KATNAL2: variants seen among roughly 807,000 people sequenced by gnomAD.
The protein encoded by KATNAL2 is katanin catalytic subunit A1 like 2.
KATNAL2 carries 52 observed loss-of-function variants against 76.3 expected under a neutral mutation model. The observed-to-expected ratio is 0.68, with a 90% CI of 0.55 to 0.86. The LOEUF is 0.86. Among genes scored for constraint, KATNAL2 ranks in the 40% least tolerant of loss-of-function variants. The probability of loss-of-function intolerance (pLI) is 0.00; values close to 1 mark genes in which losing one functional copy is unlikely to be tolerated. For synonymous variants in KATNAL2, 243 were observed against 244.2 expected (o/e 1.00, Z 0.05); for missense variants, 660 against 668.9 (o/e 0.99, Z 0.15).
intron 8 of KATNAL2, among the ~76,000 whole-genome samples, chr18:47,062,428 A>G (rs2061663630): frequency 6.6e-6 from 1 of 152,170 alleles, no homozygotes; most frequent in Admixed American, 6.5e-5. Flanking sequence ...ATATGGAGAA[A>G]AGGGAACTCA....
intron 1 of KATNAL2, among the ~76,000 whole-genome samples, chr18:46,936,616 T>A (rs958961424): frequency 1.3e-5 from 2 of 151,832 alleles, no homozygotes; most frequent in African/African-American, 2.4e-5. Context: ...ACCATGAAAA[T>A]TTTAAAACTA....
intron 15 of KATNAL2, among the ~76,000 whole-genome samples, chr18:47,085,720 G>C (rs1363497363): frequency 5.3e-5 from 8 of 152,100 alleles, no homozygotes; most frequent in Admixed American, 5.2e-4. Context: ...ATTGATTTGA[G>C]TAATGACTCC....
At chr18:46,947,963 A>G (rs538334269) in intron 3 of KATNAL2, among the ~76,000 whole-genome samples, 1 of 152,290 alleles carries the variant, frequency 6.6e-6, no homozygotes, top group East Asian at 1.9e-4. Flanking sequence ...ACCCTTTAAT[A>G]GAGCAGATTC....
At chr18:46,929,412 G>A (rs1568979973) in intron 1 of KATNAL2, among the ~76,000 whole-genome samples, 1 of 151,364 alleles carries the variant, frequency 6.6e-6, no homozygotes, top group Non-Finnish European at 1.5e-5. Flanking sequence ...CCAGCAAATT[G>A]TTGTATTTTT....
At chr18:47,058,155 A>G (rs968571567) in intron 6 of KATNAL2, 80 bp from the exon 7 acceptor site, 35 of 942,818 alleles carry the variant, frequency 3.7e-5, no homozygotes, top group Non-Finnish European at 5.1e-5. Context: ...TAAATGTGCT[A>G]TTCTTAAGAA....
chr18:46,926,637 C>G (rs1472370388), intron 1 of KATNAL2, among the ~76,000 whole-genome samples: 2 of 152,066 alleles, frequency 1.3e-5, no homozygotes, highest in African/African-American at 2.4e-5. Flanking sequence ...TCCTGGGTAT[C>G]CTTGCTAACT....
intron 15 of KATNAL2, among the ~76,000 whole-genome samples, chr18:47,087,424 A>G (rs2062821865): frequency 6.6e-6 from 1 of 152,176 alleles, no homozygotes; most frequent in African/African-American, 2.4e-5. Context: ...GAAGGCCATC[A>G]TCCATAGCAA....
At chr18:46,928,420 C>A (rs921296829) in intron 1 of KATNAL2, among the ~76,000 whole-genome samples, 74 of 152,172 alleles carry the variant, frequency 4.9e-4, no homozygotes, top group African/African-American at 1.6e-3. Context: ...ACTGCAGATG[C>A]TGCTGCCTGA....
chr18:47,057,286 A>C (rs532773065), intron 6 of KATNAL2, among the ~76,000 whole-genome samples: 1 of 152,358 alleles, frequency 6.6e-6, no homozygotes, highest in South Asian at 2.1e-4. Flanking sequence ...AAGAGAACTA[A>C]GCAACAATGT....
intron 3 of KATNAL2, chr18:47,032,783 T>A: frequency 1.3e-6 from 1 of 779,516 alleles, no homozygotes. Context: ...AATGCGTTCA[T>A]ATCTTCTGAA....
In KATNAL2 at chr18:47,085,621, G is replaced by A. The variant is rs1302572405; in HGVS notation, c.1211+8160G>A. Among the ~76,000 whole-genome samples, 10 of 152,116 alleles carry A rather than the reference G, an allele frequency of 6.6e-5. No individual in the cohort carries two copies. The East Asian group carries it at 9.7e-4, about 15-fold the overall frequency. ...GAACCCACCAACTAGTCCCATGGCC[G>A]CCCCCAGAAGAGGACTACTTTCCAT... On this transcript the variant is annotated intron_variant, in intron 15 of 17. Transcript: ENST00000683218.
intron 1 of KATNAL2, among the ~76,000 whole-genome samples, chr18:46,942,977 C>G (rs1053413371): frequency 5.3e-5 from 8 of 152,032 alleles, no homozygotes; most frequent in Admixed American, 4.6e-4. Context: ...TCAACTCTAT[C>G]CTTTTGAGGT....
At chr18:47,036,295 T>A (rs969922086) in intron 3 of KATNAL2, among the ~76,000 whole-genome samples, 7 of 152,320 alleles carry the variant, frequency 4.6e-5, no homozygotes, top group South Asian at 4.1e-4. Context: ...TAGGTAGAAC[T>A]CTCTGGTAAT....
Position 47,101,658 on chromosome 18 carries a change from T to C in KATNAL2, c.*653T>C, listed in dbSNP as rs1232740938. 3 of 153,016 alleles carry C rather than the reference T, an allele frequency of 2.0e-5. No homozygotes were observed. The highest frequency in any genetic ancestry group is 7.2e-5 in the African/African-American group (3 of 41,440). 9.5% of individuals were successfully genotyped at this position (153,016 alleles called of 1,614,324 possible). On this transcript the variant is annotated 3_prime_UTR_variant, in exon 18 of 18. Coordinates refer to ENST00000683218, the MANE Select transcript of KATNAL2 (RefSeq NM_001387690.1). The stretch of plus-strand genomic sequence containing the variant: ...CCATCACCATCAGCTGCCAGTCTGA[T>C]TGTTTTGGGTTCTGGCCCCCAATAA...
chr18:46,927,491 G>A (rs1229288475), intron 1 of KATNAL2, among the ~76,000 whole-genome samples: 5 of 152,058 alleles, frequency 3.3e-5, no homozygotes, highest in Non-Finnish European at 5.9e-5. Flanking sequence ...TGGGTAACCC[G>A]ACCTTTCTCT....
At chr18:47,034,100 A>G (rs754027182) in intron 3 of KATNAL2, 2 of 1,614,194 alleles carry the variant, frequency 1.2e-6, no homozygotes, top group Non-Finnish European at 8.5e-7. Flanking sequence ...AACTGATCGT[A>G]GGTGAGGTAT....
intron 15 of KATNAL2, among the ~76,000 whole-genome samples, chr18:47,093,073 T>C (rs1171025269): frequency 1.3e-5 from 2 of 152,222 alleles, no homozygotes; most frequent in African/African-American, 4.8e-5. Flanking sequence ...TAACCTGTTT[T>C]TTCTCTCTGG....
chr18:47,034,656 G>T, intron 3 of KATNAL2: 2 of 1,613,698 alleles, frequency 1.2e-6, no homozygotes, highest in Non-Finnish European at 8.5e-7. Flanking sequence ...GCAGAGGCCC[G>T]CCCTGAGCCG....
At chr18:47,050,079 T>C (rs2147081695) in intron 4 of KATNAL2, among the ~76,000 whole-genome samples, 1 of 152,272 alleles carries the variant, frequency 6.6e-6, no homozygotes, top group East Asian at 1.9e-4. Context: ...GAGATTTATC[T>C]GTTGCCCAGG....
Sources: allele counts gnomAD v4.1 joint callset (sites outside exome capture counted in the v4.1 genomes callset), GRCh38; gene constraint gnomAD v4.1.1; transcripts MANE v1.5; gene names NCBI Gene and HGNC (gene_info 2026-07-23, HGNC 2026-07-21).